Variants in ABHD12B observed in about 807,000 individuals in gnomAD.
ABHD12B encodes the protein abhydrolase domain containing 12B, also known as protein ABHD12B.
In ABHD12B, 42 loss-of-function variants were observed where a neutral mutation model predicts 50.4. The ratio of observed to expected loss-of-function variants is 0.83; its 90% CI spans 0.65 to 1.08. The LOEUF is 1.08. Ranked by LOEUF, ABHD12B falls within the 50% of genes least tolerant of loss-of-function variation. The pLI is 0.00. For synonymous variants in ABHD12B, 167 were observed against 160.3 expected (o/e 1.04, Z -0.32); for missense variants, 479 against 447.7 (o/e 1.07, Z -0.63).
intron 7 of ABHD12B, 36 bp from the exon 8 acceptor site, chr14:50,886,611 T>G (rs371044930): frequency 1.4e-5 from 23 of 1,596,492 alleles, no homozygotes; most frequent in Non-Finnish European, 1.9e-5. Flanking sequence ...GTACTGTTAT[T>G]GCTTAACACA....
At chr14:50,877,606 C>A (rs2049879903) in intron 1 of ABHD12B, among the ~76,000 whole-genome samples, 1 of 152,188 alleles carries the variant, frequency 6.6e-6, no homozygotes, top group South Asian at 2.1e-4. Flanking sequence ...CCATCTGACC[C>A]AGAATTCCCA....
intron 9 of ABHD12B, among the ~76,000 whole-genome samples, chr14:50,897,639 G>A (rs1174599880): frequency 6.6e-6 from 1 of 152,200 alleles, no homozygotes; most frequent in Non-Finnish European, 1.5e-5. Flanking sequence ...GCAGCATGAT[G>A]TTGTGGAAAA....
intron 3 of ABHD12B, 102 bp downstream of exon 3, chr14:50,878,949 C>G: frequency 2.3e-6 from 2 of 888,118 alleles, no homozygotes; most frequent in Non-Finnish European, 3.6e-6. Flanking sequence ...GAGGTCGGTG[C>G]TCCTGGAGGT....
intron 11 of ABHD12B, 84 bp downstream of exon 11, chr14:50,903,551 G>A (rs893097387): frequency 4.3e-5 from 48 of 1,125,818 alleles, no homozygotes; most frequent in East Asian, 2.0e-4. Context: ...GATTAGAGCC[G>A]AAAGGAGGGT....
At chr14:50,875,142 A>T (rs1053345503) in intron 1 of ABHD12B, among the ~76,000 whole-genome samples, 15 of 152,180 alleles carry the variant, frequency 9.9e-5, no homozygotes, top group African/African-American at 3.6e-4. Context: ...TCACAGAACA[A>T]TTCAAGGCCA....
chr14:50,902,568 G>A (rs185688038), intron 10 of ABHD12B, among the ~76,000 whole-genome samples: 6 of 152,278 alleles, frequency 3.9e-5, no homozygotes, highest in Admixed American at 2.6e-4. Context: ...ATGAAAACTC[G>A]TCTACCATCC....
intron 5 of ABHD12B, among the ~76,000 whole-genome samples, chr14:50,884,702 CTTTTTTTTTTTTTTT>C (rs35439744): frequency 7.9e-6 from 1 of 126,610 alleles, no homozygotes; most frequent in South Asian, 2.5e-4. Flanking sequence ...TGTATTTCTT[CTTTTTTTTTTTTTTT>C]TTTTTTTTTT....
chr14:50,888,191 A>AGTACTTTGC (rs947218678), intron 8 of ABHD12B, among the ~76,000 whole-genome samples: 1 of 148,822 alleles, frequency 6.7e-6, no homozygotes, highest in African/African-American at 2.5e-5. Flanking sequence ...GTCTTCCTGT[A>AGTACTTTGC]GTACTTTGCT....
chr14:50,904,505 A>T lies in ABHD12B; in HGVS notation c.*139A>T. 9.4e-7 allele frequency: 1 copy of T among 1,061,410 alleles called. No individual in the cohort carries two copies. The highest frequency in any genetic ancestry group is 1.4e-6 in the Non-Finnish European group (1 of 699,500). 65.7% of individuals were successfully genotyped at this position (1,061,410 alleles called of 1,614,324 possible). On this transcript the variant is annotated 3_prime_UTR_variant, in exon 13 of 13. Transcript: ENST00000337334. The stretch of plus-strand genomic sequence containing the variant: ...TTCTCTACAAATCACTTGCCATTTT[A>T]ACAACAGAAAGTACGAATGTTAGGC...
chr14:50,899,662 A>T (rs2050239513), intron 9 of ABHD12B, among the ~76,000 whole-genome samples: 1 of 152,040 alleles, frequency 6.6e-6, no homozygotes, highest in African/African-American at 2.4e-5. Context: ...TATTGCAAAG[A>T]TTTGTAATCC....
chr14:50,875,009 A>G (rs1236184921), intron 1 of ABHD12B, among the ~76,000 whole-genome samples: 1 of 152,226 alleles, frequency 6.6e-6, no homozygotes, highest in Non-Finnish European at 1.5e-5. Flanking sequence ...ATGCGTCAAT[A>G]TTTACTGAGC....
At chr14:50,895,479 T>A (rs377532815) in intron 9 of ABHD12B, 1 of 152,120 alleles carries the variant, frequency 6.6e-6, no homozygotes, top group African/African-American at 2.4e-5. Context: ...GGCCAAGGAA[T>A]GCCCGCAGCC....
intron 10 of ABHD12B, among the ~76,000 whole-genome samples, chr14:50,903,110 G>GT (rs36204047): frequency 8.5e-4 from 121 of 141,522 alleles, no homozygotes; most frequent in South Asian, 1.8e-3. Context: ...AGTGTTTTTT[G>GT]TTTTTTTTTT....
chr14:50,895,222 G>A (rs545198241), intron 9 of ABHD12B, among the ~76,000 whole-genome samples: 1 of 149,510 alleles, frequency 6.7e-6, no homozygotes, highest in African/African-American at 2.6e-5. Context: ...ATCTGCTCCC[G>A]ACATTAAATA....
Position 50,903,408 on chromosome 14 carries a change from C to G in ABHD12B, c.883C>G (p.Pro295Ala). The G allele has an allele frequency of 1.9e-6, 3 of 1,612,208 alleles. No individual in the cohort carries two copies. Among genetic ancestry groups the G allele is most frequent in the Non-Finnish European group, 2.5e-6 (3 of 1,178,780 alleles). Residue 295 changes from proline to alanine, a missense_variant, in exon 11 of 13, where the codon CCT (proline) becomes GCT (alanine). Transcript: ENST00000337334. ...NDENVKFLSSPLLILHGEDDR... is the reference protein window; with the variant it reads ...NDENVKFLSSALLILHGEDDR... ...CCCTAGTGTTAAATTCCTTTCTTCT[C>G]CTCTTCTCATCTTACATGGAGAGGA... is the stretch of plus-strand genomic sequence containing the variant.
intron 8 of ABHD12B, among the ~76,000 whole-genome samples, chr14:50,887,125 A>G (rs2050051547): frequency 6.7e-6 from 1 of 149,540 alleles, no homozygotes. Flanking sequence ...GAGGCAGGAG[A>G]ATTGCTTGAA....
At chr14:50,877,733 G>GGTGGGTGCCT (rs1375725875) in intron 1 of ABHD12B, among the ~76,000 whole-genome samples, 1 of 152,102 alleles carries the variant, frequency 6.6e-6, no homozygotes, top group African/African-American at 2.4e-5. Context: ...CAGGCATGGT[G>GGTGGGTGCCT]GTGGGTGCCT....
At chr14:50,899,734 C>T (rs2050240889) in intron 9 of ABHD12B, among the ~76,000 whole-genome samples, 1 of 151,950 alleles carries the variant, frequency 6.6e-6, no homozygotes, top group African/African-American at 2.4e-5. Context: ...ACCAGCCTAG[C>T]CAACATGGCG....
At chr14:50,884,470 G>A (rs983960621) in intron 5 of ABHD12B, among the ~76,000 whole-genome samples, 21 of 152,320 alleles carry the variant, frequency 1.4e-4, no homozygotes, top group Admixed American at 9.1e-4. Flanking sequence ...GGGAGGAAGC[G>A]CAGTATTTGG....
Sources: allele counts gnomAD v4.1 joint callset (sites outside exome capture counted in the v4.1 genomes callset), GRCh38; gene constraint gnomAD v4.1.1; transcripts MANE v1.5; gene names NCBI Gene and HGNC (gene_info 2026-07-23, HGNC 2026-07-21).